Variants in INPP4B observed in about 807,000 individuals in gnomAD.
INPP4B encodes the protein inositol polyphosphate 4-phosphatase type II.
INPP4B carries 55 observed loss-of-function variants against 122.5 expected under a neutral mutation model. The ratio of observed to expected loss-of-function variants is 0.45; its 90% confidence interval spans 0.36 to 0.56. The LOEUF (loss-of-function observed/expected upper bound fraction) is 0.56. Ranked by LOEUF, INPP4B falls within the 20% of genes least tolerant of loss-of-function variation. The pLI is 0.00. For synonymous variants in INPP4B, 403 were observed against 388.7 expected, an observed-to-expected ratio of 1.04 and a Z score of -0.43; for missense variants, 1,000 against 1,097.7, an observed-to-expected ratio of 0.91 and a Z score of 1.26.
intron 7 of INPP4B, among the ~76,000 whole-genome samples, chr4:142,338,490 G>A (rs965972794): frequency 3.3e-5 from 5 of 152,086 alleles, no homozygotes; most frequent in Admixed American, 2.0e-4. Flanking sequence ...TGCCCGCCTC[G>A]GCCTCCCAAA....
intron 18 of INPP4B, among the ~76,000 whole-genome samples, chr4:142,143,495 C>T (rs1014056097): frequency 6.6e-6 from 1 of 152,030 alleles, no homozygotes; most frequent in Non-Finnish European, 1.5e-5. Context: ...AAAGGAGAAG[C>T]TTTCCGTTCA....
chr4:142,362,857 G>A (rs1785972531), intron 7 of INPP4B, among the ~76,000 whole-genome samples: 2 of 151,982 alleles, frequency 1.3e-5, no homozygotes, highest in South Asian at 2.1e-4. Context: ...AGGGAGAAGG[G>A]CAAGGGCTGA....
intron 25 of INPP4B, among the ~76,000 whole-genome samples, chr4:142,056,442 G>C (rs1329877956): frequency 6.6e-6 from 1 of 152,016 alleles, no homozygotes; most frequent in African/African-American, 2.4e-5. Context: ...AAACTTTCAG[G>C]GAAACCTTTG....
chr4:142,188,699 T>TA (rs1288044813), intron 15 of INPP4B, among the ~76,000 whole-genome samples: 1 of 151,134 alleles, frequency 6.6e-6, no homozygotes, highest in Non-Finnish European at 1.5e-5. Context: ...CCCAATCAAA[T>TA]AATATGATCA....
chr4:142,086,131 T>G lies in INPP4B; in HGVS notation c.2487+13A>C, dbSNP rs1377530950. 3.8e-5 allele frequency: 55 copies of G among 1,450,018 alleles called. No homozygotes were observed. Among genetic ancestry groups the G allele is most frequent in the Non-Finnish European group, 4.9e-5 (51 of 1,030,580 alleles). The allele number at this position is 1,450,018 out of a possible 1,614,324, so 89.8% of individuals were successfully genotyped here. A position where few individuals can be genotyped will look rare whatever the true frequency, so the allele number is the denominator to read the frequency against. ...ACATGGCAGGAAATAAGATTTGACA[T>G]GAGAGTGCTTACCGTTGCAGCCAGC... is the stretch of plus-strand genomic sequence containing the variant. On this transcript the variant is annotated intron_variant, in intron 24 of 25. Coordinates refer to ENST00000262992, the MANE Select transcript of INPP4B (RefSeq NM_001101669.3).
chr4:142,672,351 C>G (rs1757124425), intron 2 of INPP4B, among the ~76,000 whole-genome samples: 1 of 152,142 alleles, frequency 6.6e-6, no homozygotes. Flanking sequence ...TCTGCATTCA[C>G]ATTAGCAATG....
intron 2 of INPP4B, among the ~76,000 whole-genome samples, chr4:142,615,519 A>C (rs1743507377): frequency 6.6e-6 from 1 of 152,122 alleles, no homozygotes; most frequent in Admixed American, 6.6e-5. Flanking sequence ...ACCTGTAGGG[A>C]TGTGTGAGTT....
At chr4:142,366,068 T>C (rs986817385) in intron 7 of INPP4B, among the ~76,000 whole-genome samples, 4 of 152,052 alleles carry the variant, frequency 2.6e-5, no homozygotes, top group Non-Finnish European at 4.4e-5. Flanking sequence ...CTGATGACAT[T>C]CCACCATTGT....
At chr4:142,344,275 C>T (rs1372148470) in intron 7 of INPP4B, among the ~76,000 whole-genome samples, 1 of 151,954 alleles carries the variant, frequency 6.6e-6, no homozygotes, top group African/African-American at 2.4e-5. Flanking sequence ...GGCTGTTAAA[C>T]AAGGGAAGCT....
intron 7 of INPP4B, among the ~76,000 whole-genome samples, chr4:142,394,307 G>A (rs1351236329): frequency 1.3e-5 from 2 of 152,024 alleles, no homozygotes; most frequent in African/African-American, 2.4e-5. Context: ...CACCACGCCC[G>A]GCTGATTTTT....
At chr4:142,437,593 G>C (rs904780673) in intron 3 of INPP4B, among the ~76,000 whole-genome samples, 1 of 152,032 alleles carries the variant, frequency 6.6e-6, no homozygotes, top group Admixed American at 6.5e-5. Flanking sequence ...GAAGAGACTG[G>C]GGGCCAATAT....
At chr4:142,314,102 G>A (rs1385345423) in intron 8 of INPP4B, among the ~76,000 whole-genome samples, 5 of 152,100 alleles carry the variant, frequency 3.3e-5, no homozygotes, top group African/African-American at 1.2e-4. Context: ...CACACAGATC[G>A]CAGGGATTCA....
chr4:142,619,139 T>C (rs773254272), intron 2 of INPP4B, among the ~76,000 whole-genome samples: 13 of 151,832 alleles, frequency 8.6e-5, no homozygotes, highest in Non-Finnish European at 1.6e-4. Context: ...ATCCTGAGAA[T>C]GTAAAACAGT....
At chr4:142,764,144 A>G (rs1258182240) in intron 1 of INPP4B, among the ~76,000 whole-genome samples, 1 of 152,138 alleles carries the variant, frequency 6.6e-6, no homozygotes, top group East Asian at 1.9e-4. Context: ...GACGTGTTAG[A>G]CAAAATTACA....
intron 2 of INPP4B, among the ~76,000 whole-genome samples, chr4:142,643,752 G>A (rs577769656): frequency 1.3e-5 from 2 of 152,280 alleles, no homozygotes; most frequent in Admixed American, 1.3e-4. Context: ...AGAGGTTTAA[G>A]TGAGGATTTC....
At chr4:142,636,432 A>G (rs1004043806) in intron 2 of INPP4B, among the ~76,000 whole-genome samples, 1 of 152,166 alleles carries the variant, frequency 6.6e-6, no homozygotes, top group African/African-American at 2.4e-5. Context: ...AAATAGAAGG[A>G]ACTATTATTT....
intron 15 of INPP4B, among the ~76,000 whole-genome samples, chr4:142,182,508 G>C (rs1049176371): frequency 7.7e-6 from 1 of 130,668 alleles, no homozygotes; most frequent in Non-Finnish European, 1.5e-5. Flanking sequence ...AGATCACGCC[G>C]CTGCACTCCA....
intron 2 of INPP4B, among the ~76,000 whole-genome samples, chr4:142,469,583 T>G (rs1818436209): frequency 6.6e-6 from 1 of 152,154 alleles, no homozygotes; most frequent in South Asian, 2.1e-4. Context: ...GCTCTAATGA[T>G]AAAATATATT....
intron 1 of INPP4B, among the ~76,000 whole-genome samples, chr4:142,751,705 T>C (rs1769745601): frequency 6.6e-6 from 1 of 152,082 alleles, no homozygotes; most frequent in Non-Finnish European, 1.5e-5. Flanking sequence ...AAGAGAGTAC[T>C]ATCTTGAAGT....
Sources: gnomAD v4.1 joint callset for allele counts (sites outside exome capture counted in the v4.1 genomes callset) on GRCh38, gnomAD v4.1.1 for gene constraint, MANE v1.5 for transcripts, NCBI Gene and HGNC (gene_info 2026-07-23, HGNC 2026-07-21) for gene names.